DIP2B: variants seen among roughly 807,000 people sequenced by gnomAD.
DIP2B encodes the protein disco-interacting protein 2 homolog B.
Under a neutral mutation model 198.0 loss-of-function variants are expected in DIP2B, and 76 were observed. That is an observed-to-expected ratio of 0.38 (90% confidence interval 0.32 to 0.46). DIP2B has a LOEUF of 0.46. DIP2B is among the 20% of genes least tolerant of loss of function. The probability of loss-of-function intolerance (pLI) is 0.99; values close to 1 mark genes in which losing one functional copy is unlikely to be tolerated. For missense variants in DIP2B, 1,559 were observed against 1,978.4 expected, an observed-to-expected ratio of 0.79 and a Z score of 4.02; for synonymous variants, 701 against 739.1, an observed-to-expected ratio of 0.95 and a Z score of 0.84.
chr12:50,604,832 A>G (rs775856997), intron 1 of DIP2B, among the ~76,000 whole-genome samples: 3 of 152,152 alleles, frequency 2.0e-5, no homozygotes, highest in Non-Finnish European at 4.4e-5. Flanking sequence ...TATGTAGTCA[A>G]TTTCTATAAA....
intron 3 of DIP2B, among the ~76,000 whole-genome samples, chr12:50,646,808 C>A (rs1005608591): frequency 1.3e-5 from 2 of 152,062 alleles, no homozygotes; most frequent in Non-Finnish European, 2.9e-5. Context: ...ACTCGCTTTG[C>A]CACCCTAATT....
At chr12:50,717,733 T>A (rs370793472) in intron 23 of DIP2B, among the ~76,000 whole-genome samples, 18 of 151,734 alleles carry the variant, frequency 1.2e-4, no homozygotes, top group African/African-American at 4.1e-4. Flanking sequence ...GGACTAAAGA[T>A]GTCTACCACC....
chr12:50,705,990 C>T (rs2139567234), intron 20 of DIP2B, among the ~76,000 whole-genome samples: 1 of 152,272 alleles, frequency 6.6e-6, no homozygotes. Context: ...ATAGTAGTTC[C>T]CTGCTGCTTT....
intron 34 of DIP2B, among the ~76,000 whole-genome samples, chr12:50,735,421 G>A (rs376701771): frequency 1.3e-5 from 2 of 151,916 alleles, no homozygotes; most frequent in East Asian, 3.8e-4. Context: ...GGATAGAAGA[G>A]CTGGTTCTAT....
chr12:50,694,804 A>G (rs1392735478), intron 14 of DIP2B, among the ~76,000 whole-genome samples: 1 of 152,088 alleles, frequency 6.6e-6, no homozygotes, highest in Non-Finnish European at 1.5e-5. Flanking sequence ...TTAATAGGGA[A>G]ATGCCTAAAT....
At chr12:50,560,443 C>G (rs1204110373) in intron 1 of DIP2B, among the ~76,000 whole-genome samples, 1 of 151,934 alleles carries the variant, frequency 6.6e-6, no homozygotes, top group Non-Finnish European at 1.5e-5. Flanking sequence ...TGGCATGTAC[C>G]TGTAATCCCA....
At chr12:50,625,877 TGGG>T in intron 1 of DIP2B, 96 bp from the exon 2 acceptor site, 1 of 1,215,034 alleles carries the variant, frequency 8.2e-7, no homozygotes. Context: ...TGCCTCTATA[TGGG>T]GTAGTTCTAT....
At chr12:50,728,179 G>A (rs923943424) in intron 29 of DIP2B, among the ~76,000 whole-genome samples, 3 of 152,106 alleles carry the variant, frequency 2.0e-5, no homozygotes, top group African/African-American at 7.2e-5. Context: ...TCAGGAGTTC[G>A]AGACCAGCCT....
intron 4 of DIP2B, among the ~76,000 whole-genome samples, chr12:50,666,361 A>C (rs1335202778): frequency 1.3e-5 from 2 of 152,222 alleles, no homozygotes; most frequent in African/African-American, 4.8e-5. Flanking sequence ...AAACAGGTTT[A>C]GAGAGGCTCA....
chr12:50,508,764 G>C (rs1003587851), intron 1 of DIP2B, among the ~76,000 whole-genome samples: 9 of 150,686 alleles, frequency 6.0e-5, no homozygotes, highest in African/African-American at 2.2e-4. Context: ...GGAGTGAAAT[G>C]GTGCGATCTC....
chr12:50,570,565 C>T (rs1479365901), intron 1 of DIP2B, among the ~76,000 whole-genome samples: 1 of 152,134 alleles, frequency 6.6e-6, no homozygotes, highest in Non-Finnish European at 1.5e-5. Flanking sequence ...GCAAAATTAG[C>T]CAGGTGTGGT....
intron 21 of DIP2B, among the ~76,000 whole-genome samples, chr12:50,708,196 T>C (rs1184695130): frequency 6.6e-6 from 1 of 152,208 alleles, no homozygotes; most frequent in Admixed American, 6.5e-5. Flanking sequence ...CTCTAACATA[T>C]AAGTGCCACA....
At chr12:50,646,497 T>C (rs1242731979) in intron 3 of DIP2B, among the ~76,000 whole-genome samples, 18 of 142,796 alleles carry the variant, frequency 1.3e-4, no homozygotes, top group South Asian at 6.8e-4. Flanking sequence ...TCTTGGCTCA[T>C]TGCAACCTCC....
chr12:50,723,122 T>C (rs1172334069), intron 26 of DIP2B, 80 bp from the exon 27 acceptor site: 6 of 1,569,480 alleles, frequency 3.8e-6, no homozygotes, highest in Non-Finnish European at 5.2e-6. Flanking sequence ...GATTTAATTG[T>C]TTTGGAAAAT....
chr12:50,531,698 G>A (rs1958218469), intron 1 of DIP2B, among the ~76,000 whole-genome samples: 1 of 152,124 alleles, frequency 6.6e-6, no homozygotes, highest in Admixed American at 6.5e-5. Flanking sequence ...AGGCAGGCGG[G>A]GTACCCTGCT....
At chr12:50,605,767 A>G (rs935707664) in intron 1 of DIP2B, among the ~76,000 whole-genome samples, 5 of 152,052 alleles carry the variant, frequency 3.3e-5, no homozygotes, top group Non-Finnish European at 5.9e-5. Flanking sequence ...TGCAGCATGT[A>G]TCAGTACTTC....
chr12:50,704,184 A>G lies in DIP2B; in HGVS notation c.2370A>G (p.Pro790=). 2 of 1,611,704 alleles carry G rather than the reference A, an allele frequency of 1.2e-6. No individual in the cohort carries two copies. Among genetic ancestry groups the G allele is most frequent in the Non-Finnish European group, 1.7e-6 (2 of 1,179,658 alleles). The change falls in exon 20 of 38, where the codon CCA becomes CCG. Residue 790 remains proline (P), a synonymous_variant. Transcript: ENST00000301180. ...CAGGCTCTCCTGTTGGGGATGTGCCATTCATCCGATCAGGATTGCTGGGGT... is the reference window on the plus strand; with the variant it reads ...CAGGCTCTCCTGTTGGGGATGTGCCGTTCATCCGATCAGGATTGCTGGGGT... The part of the protein sequence containing the change: ...NSAGSPVGDV[P]FIRSGLLGFV...
In DIP2B at chr12:50,626,037, G is replaced by T. The variant is rs779617308; in HGVS notation, c.162G>T (p.Pro54=). ...KRSKLLSPYS[P]QTQETDSAVQ... ...CCAAACTCCTATCTCCTTACAGCCC[G>T]CAGACACAAGGTAGGCAATAAAAAA... The change falls in exon 2 of 38, where the codon CCG becomes CCT. Residue 54 remains proline (P), a synonymous_variant. Transcript: ENST00000301180. 1.2e-6 allele frequency: 2 copies of T among 1,613,802 alleles called. No individual in the cohort carries two copies. The highest frequency in any genetic ancestry group is 2.2e-5 in the East Asian group (1 of 44,854).
Position 50,728,569 on chromosome 12 carries a change from G to A in DIP2B, c.3532G>A (p.Ala1178Thr), listed in dbSNP as rs777760335. ...GVKMSHSAVN[A>T]LCRAIKLQCE... ...CCAGATGTCCCACTCTGCAGTGAAC[G>A]CTCTGTGTCGAGCCATCAAGCTCCA... Residue 1178 changes from alanine to threonine, a missense_variant, in exon 30 of 38, where the codon GCT becomes ACT. By Grantham distance (58) the Ala-to-Thr change is moderately conservative. Coordinates refer to ENST00000301180, the MANE Select transcript of DIP2B (RefSeq NM_173602.3). 10 of 1,613,866 alleles carry A rather than the reference G, an allele frequency of 6.2e-6. No homozygotes were observed. The highest frequency in any genetic ancestry group is 1.6e-4 in the Middle Eastern group (1 of 6,080).
Sources: gnomAD v4.1 joint callset for allele counts (sites outside exome capture counted in the v4.1 genomes callset) on GRCh38, gnomAD v4.1.1 for gene constraint, MANE v1.5 for transcripts, NCBI Gene and HGNC (gene_info 2026-07-23, HGNC 2026-07-21) for gene names.